Variants in ABLIM2 observed in about 807,000 individuals in gnomAD.
The protein encoded by ABLIM2 is actin binding LIM protein family member 2.
A neutral mutation model predicts 97.7 loss-of-function variants in ABLIM2; 53 were observed. The observed-to-expected ratio is 0.54, with a 90% CI of 0.44 to 0.68. The LOEUF is 0.68. ABLIM2 is among the 30% of genes least tolerant of loss of function. The pLI is 0.00. For synonymous variants in ABLIM2, 361 were observed against 345.8 expected (o/e 1.04, Z -0.49); for missense variants, 835 against 867.2 (o/e 0.96, Z 0.47).
At chr4:8,040,610 C>CAA (rs58125904) in intron 9 of ABLIM2, among the ~76,000 whole-genome samples, 1 of 132,404 alleles carries the variant, frequency 7.6e-6, no homozygotes, top group Non-Finnish European at 1.6e-5. Flanking sequence ...GACTCCATTT[C>CAA]AAAAAAAAAA....
intron 1 of ABLIM2, among the ~76,000 whole-genome samples, chr4:8,143,763 G>A (rs1851375119): frequency 1.3e-5 from 2 of 152,108 alleles, no homozygotes; most frequent in Admixed American, 1.3e-4. Context: ...CAAGAGGATC[G>A]ACATGCTCCA....
intron 9 of ABLIM2, among the ~76,000 whole-genome samples, chr4:8,041,653 A>G (rs1440365633): frequency 1.3e-5 from 2 of 152,202 alleles, no homozygotes; most frequent in Admixed American, 1.3e-4. Flanking sequence ...CTGTAATCCC[A>G]GCACTTTGGG....
rs1848330269 is a variant in ABLIM2 at position 8,127,129 on chromosome 4, C to T, written c.11-20492G>A. Among the ~76,000 whole-genome samples, 1 of 151,338 alleles carries T rather than the reference C, an allele frequency of 6.6e-6. No individual in the cohort carries two copies. Among genetic ancestry groups the T allele is most frequent in the Non-Finnish European group, 1.5e-5 (1 of 67,930 alleles). On this transcript the variant is annotated intron_variant, in intron 1 of 20. Coordinates refer to ENST00000447017, the MANE Select transcript of ABLIM2 (RefSeq NM_001130083.2). This position sits in a 1 kb window ranked among gnomAD's most constrained non-coding sequence, Gnocchi z 7.3. ...ATGTCCCCCTGGGAGCACAGGAGCACAGCTGCCTGTGGGTGAGAATCACCA... is the reference window on the plus strand; with the variant it reads ...ATGTCCCCCTGGGAGCACAGGAGCATAGCTGCCTGTGGGTGAGAATCACCA...
chr4:8,089,907 T>C (rs1561311175), intron 3 of ABLIM2, among the ~76,000 whole-genome samples: 1 of 152,164 alleles, frequency 6.6e-6, no homozygotes, highest in African/African-American at 2.4e-5. Flanking sequence ...GCCAAGTCCC[T>C]GCCTGGCCTC....
At chr4:8,100,486 C>T (rs1340418670) in intron 2 of ABLIM2, among the ~76,000 whole-genome samples, 1 of 152,048 alleles carries the variant, frequency 6.6e-6, no homozygotes, top group Non-Finnish European at 1.5e-5. Flanking sequence ...GTGGCTCACA[C>T]CTGAAATACC....
chr4:7,966,681 G>A lies in ABLIM2; in HGVS notation c.*309C>T, dbSNP rs746040394. 2 of 336,884 alleles carry A rather than the reference G, an allele frequency of 5.9e-6. No individual in the cohort carries two copies. Among genetic ancestry groups the A allele is most frequent in the Admixed American group, 4.3e-5 (1 of 23,290 alleles). The allele number at this position is 336,884 out of a possible 1,614,324, so 20.9% of individuals were successfully genotyped here. A position where few individuals can be genotyped will look rare whatever the true frequency, so the allele number is the denominator to read the frequency against. On this transcript the variant is annotated 3_prime_UTR_variant, in exon 21 of 21. Coordinates refer to ENST00000447017, the MANE Select transcript of ABLIM2 (RefSeq NM_001130083.2). ...GGGGCCAGGGCACCTCGAGAACGCT[G>A]GGAAGGTGGGCTGGGCTGCAGCCAC...
At chr4:7,993,830 G>GA (rs1326641226) in intron 16 of ABLIM2, 5 of 454,728 alleles carry the variant, frequency 1.1e-5, no homozygotes, top group East Asian at 6.9e-5. Context: ...GGGCTGTCAG[G>GA]AGGGGGCAGC....
intron 2 of ABLIM2, among the ~76,000 whole-genome samples, chr4:8,097,934 A>T (rs755202737): frequency 1.3e-5 from 2 of 152,094 alleles, no homozygotes; most frequent in South Asian, 4.1e-4. Flanking sequence ...TTTTCCCAAC[A>T]CACACCCGGC....
rs1019752576 is a variant in ABLIM2 at position 8,150,256 on chromosome 4, G to A, written c.10+8424C>T. Among the ~76,000 whole-genome samples, 12 of 152,202 alleles carry A rather than the reference G, an allele frequency of 7.9e-5. No homozygotes were observed. The highest frequency in any genetic ancestry group is 2.2e-4 in the African/African-American group (9 of 41,452). On this transcript the variant is annotated intron_variant, in intron 1 of 20. Coordinates refer to ENST00000447017, the MANE Select transcript of ABLIM2 (RefSeq NM_001130083.2). The surrounding 1 kb of genome is among the most constrained non-coding windows in gnomAD (Gnocchi z 6.3). ...GACACTGAGGTCTGCAGAAGCAGAG[G>A]GTCAGAGAGACAGGCCAGGCTGTCT...
At chr4:8,028,727 G>GCACT (rs1049510407) in intron 11 of ABLIM2, among the ~76,000 whole-genome samples, 7 of 148,600 alleles carry the variant, frequency 4.7e-5, no homozygotes, top group Non-Finnish European at 1.0e-4. Flanking sequence ...AGTCATTCAT[G>GCACT]CACTCACTCA....
intron 10 of ABLIM2, among the ~76,000 whole-genome samples, 159 bp from the exon 11 acceptor site, chr4:8,029,935 C>T (rs1389054537): frequency 6.6e-6 from 1 of 152,206 alleles, no homozygotes; most frequent in Non-Finnish European, 1.5e-5. Flanking sequence ...CAGGGCAGGT[C>T]TGAAGAGCCG....
chr4:7,970,407 G>A lies in ABLIM2; in HGVS notation c.1825-3304C>T, dbSNP rs191833163. 1.0e-3 allele frequency among the ~76,000 whole-genome samples: 154 copies of A among 152,202 alleles called. 1 individual carries two copies. Among genetic ancestry groups the A allele is most frequent in the African/African-American group, 3.6e-3 (150 of 41,556 alleles). On this transcript the variant is annotated intron_variant, in intron 20 of 20. Transcript: ENST00000447017. The surrounding 1 kb of genome is among the most constrained non-coding windows in gnomAD (Gnocchi z 5.3). ...ATCTGCAATCGTGTACTTAAAGGGA[G>A]GAGGACTGGTGAGTGAGTGGTCTCT...
intron 1 of ABLIM2, among the ~76,000 whole-genome samples, chr4:8,152,466 C>T (rs904920170): frequency 6.6e-6 from 1 of 152,210 alleles, no homozygotes; most frequent in Non-Finnish European, 1.5e-5. Flanking sequence ...GGCCCCAGGG[C>T]GGCACTTGAT....
Position 8,096,776 on chromosome 4 carries a change from G to A in ABLIM2, c.338+323C>T, listed in dbSNP as rs148968398. On this transcript the variant is annotated intron_variant, in intron 3 of 20. Coordinates refer to ENST00000447017, the MANE Select transcript of ABLIM2 (RefSeq NM_001130083.2). ...AGGCTCCTGCTCAGCCCCAGGAGGT[G>A]CAGGCGGAGCGGGGCCGGTGCAGTC... Among the ~76,000 whole-genome samples, 656 of 152,340 alleles carry A rather than the reference G, an allele frequency of 4.3e-3. 4 individuals carry two copies. Among genetic ancestry groups the A allele is most frequent in the Non-Finnish European group, 4.0e-3 (273 of 68,018 alleles).
intron 2 of ABLIM2, among the ~76,000 whole-genome samples, chr4:8,104,051 TA>T (rs1287002016): frequency 2.6e-5 from 4 of 152,202 alleles, no homozygotes; most frequent in Non-Finnish European, 5.9e-5. Flanking sequence ...TGAAATCCAC[TA>T]GCTGCAGGGA....
chr4:8,101,160 G>T lies in ABLIM2; in HGVS notation c.155-3878C>A, dbSNP rs995449731. On this transcript the variant is annotated intron_variant, in intron 2 of 20. Transcript: ENST00000447017. Reference sequence around the variant, plus strand: ...CACAAGAAAACAGAGAACCCCAGGGGCCTGAGTGAGCCTTAACCTGGGCGA... The same window carrying T: ...CACAAGAAAACAGAGAACCCCAGGGTCCTGAGTGAGCCTTAACCTGGGCGA... Among the ~76,000 whole-genome samples the T allele has an allele frequency of 5.9e-5, 9 of 152,334 alleles. No homozygotes were observed. In the East Asian group the frequency reaches 1.4e-3, roughly 23 times the overall value.
At position 8,001,716 on chromosome 4, in the gene ABLIM2, C is replaced by T. The variant is rs1401434047; in HGVS notation, c.1618+6343G>A. Among the ~76,000 whole-genome samples, 1 of 152,090 alleles carries T rather than the reference C, an allele frequency of 6.6e-6. No homozygotes were observed. The highest frequency in any genetic ancestry group is 1.5e-5 in the Non-Finnish European group (1 of 68,006). The stretch of plus-strand genomic sequence containing the variant: ...GCCACTAGCTGGATGCCAAGGTGGC[C>T]ACGCCTGAGCCCCCAGCTCTCCCTG... On this transcript the variant is annotated intron_variant, in intron 16 of 20. Transcript: ENST00000447017. The surrounding 1 kb of genome is among the most constrained non-coding windows in gnomAD (Gnocchi z 4.2).
intron 16 of ABLIM2, 81 bp from the exon 17 acceptor site, chr4:7,993,008 C>T: frequency 6.7e-7 from 1 of 1,486,560 alleles, no homozygotes; most frequent in South Asian, 1.2e-5. Context: ...GGGCTTCCCA[C>T]CGGGGTGGGC....
Position 8,127,815 on chromosome 4 carries a change from G to T in ABLIM2, c.11-21178C>A. ...CGCCAGAGACACACCTGTCTCCCAG[G>T]CATCCGGGAAAGGGGCTCTGAAAAG... On this transcript the variant is annotated intron_variant, in intron 1 of 20. Coordinates refer to ENST00000447017, the MANE Select transcript of ABLIM2 (RefSeq NM_001130083.2). This position sits in a 1 kb window ranked among gnomAD's most constrained non-coding sequence, Gnocchi z 7.3. 1 of 680,774 alleles carries T rather than the reference G, an allele frequency of 1.5e-6. No individual in the cohort carries two copies. 42.2% of individuals were successfully genotyped at this position (680,774 alleles called of 1,614,324 possible).
Sources: allele counts gnomAD v4.1 joint callset (sites outside exome capture counted in the v4.1 genomes callset), GRCh38; gene constraint gnomAD v4.1.1; non-coding constraint Gnocchi (gnomAD v3.1); transcripts MANE v1.5; gene names NCBI Gene and HGNC (gene_info 2026-07-23, HGNC 2026-07-21).